IRS1: variants seen among roughly 807,000 people sequenced by gnomAD.
IRS1 encodes insulin receptor substrate 1.
IRS1 carries 34 observed loss-of-function variants against 65.6 expected under a neutral mutation model. The ratio of observed to expected loss-of-function variants is 0.52; its 90% CI spans 0.39 to 0.69. The LOEUF (loss-of-function observed/expected upper bound fraction) is 0.69. Among genes scored for constraint, IRS1 ranks in the 30% least tolerant of loss-of-function variants. IRS1 has a pLI of 0.00. For missense variants in IRS1, 1,641 were observed against 1,720.2 expected, an observed-to-expected ratio of 0.95 and a Z score of 0.81; for synonymous variants, 699 against 683.5, an observed-to-expected ratio of 1.02 and a Z score of -0.35.
intron 1 of IRS1, among the ~76,000 whole-genome samples, chr2:226,741,623 TACCCCTCCCTCCTACC>T (rs1202919588): frequency 1.3e-5 from 2 of 152,106 alleles, no homozygotes; most frequent in Non-Finnish European, 2.9e-5. Context: ...TTAAACTGCA[TACCCCTCCCTCCTACC>T]ACAATTCTTC....
At chr2:226,757,850 A>G (rs1279618883) in intron 1 of IRS1, among the ~76,000 whole-genome samples, 1 of 152,266 alleles carries the variant, frequency 6.6e-6, no homozygotes, top group East Asian at 1.9e-4. Context: ...ATACATAGGC[A>G]TAAGCAAAAG....
At chr2:226,787,253 T>G (rs1211198376) in intron 1 of IRS1, among the ~76,000 whole-genome samples, 1 of 152,188 alleles carries the variant, frequency 6.6e-6, no homozygotes, top group Non-Finnish European at 1.5e-5. Flanking sequence ...AATGGGCCAT[T>G]CTTCCAAATG....
At chr2:226,788,215 G>C (rs1466125706) in intron 1 of IRS1, among the ~76,000 whole-genome samples, 1 of 152,044 alleles carries the variant, frequency 6.6e-6, no homozygotes, top group Non-Finnish European at 1.5e-5. Context: ...ACTTGGGATG[G>C]TAAAAAGGAA....
intron 1 of IRS1, among the ~76,000 whole-genome samples, chr2:226,752,876 G>T (rs940190764): frequency 6.6e-6 from 1 of 152,232 alleles, no homozygotes; most frequent in African/African-American, 2.4e-5. Context: ...CACTTGATCA[G>T]CCTCACTGAG....
Position 226,798,704 on chromosome 2 carries a change from T to G in IRS1, c.35A>C (p.Asp12Ala). Residue 12 changes from aspartate (D) to alanine (A), a missense_variant, in exon 1 of 2, where the codon GAC becomes GCC. Asp to Ala is a moderately radical substitution (Grantham distance 126). Transcript: ENST00000305123. This position sits in a 1 kb window ranked among gnomAD's most constrained non-coding sequence, Gnocchi z 9.4. ...GCGCAGGTAGCCCACCTTGCGCACG[T>G]CCGAGAAGCCATCGCTCTCCGGAGG... ...ASPPESDGFS[D>A]VRKVGYLRKP... The G allele has an allele frequency of 6.2e-7, 1 of 1,612,748 alleles. No homozygotes were observed. Among genetic ancestry groups the G allele is most frequent in the Non-Finnish European group, 8.5e-7 (1 of 1,179,838 alleles).
At chr2:226,758,797 T>C (rs555673800) in intron 1 of IRS1, among the ~76,000 whole-genome samples, 3 of 152,258 alleles carry the variant, frequency 2.0e-5, no homozygotes, top group African/African-American at 4.8e-5. Flanking sequence ...TGGATGCTAA[T>C]GGAAACCACC....
At chr2:226,769,541 G>A (rs933880410) in intron 1 of IRS1, among the ~76,000 whole-genome samples, 7 of 152,228 alleles carry the variant, frequency 4.6e-5, no homozygotes, top group African/African-American at 2.4e-5. Context: ...GGAAGATCTA[G>A]ACATGCAGAT....
At chr2:226,775,869 C>T (rs114508451) in intron 1 of IRS1, among the ~76,000 whole-genome samples, 1,578 of 151,896 alleles carry the variant, frequency 0.01, 23 homozygotes, top group African/African-American at 0.035. Flanking sequence ...AGTGTTATAC[C>T]GTATTGTTTA....
intron 1 of IRS1, among the ~76,000 whole-genome samples, chr2:226,775,223 T>A (rs1430863993): frequency 2.0e-5 from 3 of 152,174 alleles, no homozygotes; most frequent in African/African-American, 7.2e-5. Context: ...CCGAAGTAAC[T>A]CTGGAAATGA....
At chr2:226,793,475 T>C (rs1420419208) in intron 1 of IRS1, among the ~76,000 whole-genome samples, 1 of 152,216 alleles carries the variant, frequency 6.6e-6, no homozygotes, top group African/African-American at 2.4e-5. Context: ...TTGAAGTAAA[T>C]ACTGATCAAA....
At chr2:226,759,346 T>G (rs961746757) in intron 1 of IRS1, among the ~76,000 whole-genome samples, 2 of 152,238 alleles carry the variant, frequency 1.3e-5, no homozygotes, top group African/African-American at 4.8e-5. Context: ...CTTCTAAATA[T>G]AGTACCAGCA....
At chr2:226,791,274 CG>C (rs1485134679) in intron 1 of IRS1, among the ~76,000 whole-genome samples, 1 of 152,062 alleles carries the variant, frequency 6.6e-6, no homozygotes. Flanking sequence ...CCACCTGGCC[CG>C]CAGGCCCGCA....
intron 1 of IRS1, among the ~76,000 whole-genome samples, chr2:226,760,275 C>T (rs139080697): frequency 2.2e-4 from 33 of 152,054 alleles, no homozygotes; most frequent in African/African-American, 7.0e-4. Flanking sequence ...TGTCTTATTG[C>T]AAGATTAAAA....
At position 226,798,480 on chromosome 2, in the gene IRS1, AG is replaced by A. The variant is rs1479599810; in HGVS notation, c.258del (p.Tyr87ThrfsTer63). 6.2e-7 allele frequency: 1 copy of A among 1,614,084 alleles called. No individual in the cohort carries two copies. The highest frequency in any genetic ancestry group is 1.7e-5 in the Admixed American group (1 of 60,034). ...ADSKNKHLVA[L>X]YTRDEHFAIA... The stretch of plus-strand genomic sequence containing the variant: ...ATGGCAAAGTGCTCGTCCCGGGTGT[AG>A]AGAGCCACCAGGTGCTTGTTCTTGG... On this transcript the variant is annotated frameshift_variant, in exon 1 of 2. Transcript: ENST00000305123. LOFTEE classifies it high-confidence loss of function. This position sits in a 1 kb window ranked among gnomAD's most constrained non-coding sequence, Gnocchi z 9.4.
chr2:226,789,832 C>T (rs1218318174), intron 1 of IRS1, among the ~76,000 whole-genome samples: 1 of 152,100 alleles, frequency 6.6e-6, no homozygotes, highest in Non-Finnish European at 1.5e-5. Context: ...AGAGATGGTT[C>T]CAAAAACTTA....
intron 1 of IRS1, among the ~76,000 whole-genome samples, chr2:226,793,275 ATT>A (rs1261923859): frequency 6.6e-6 from 1 of 152,210 alleles, no homozygotes; most frequent in African/African-American, 2.4e-5. Context: ...TAAAACCAAA[ATT>A]TTAGTTCTGC....
At chr2:226,758,648 G>A (rs1938850632) in intron 1 of IRS1, among the ~76,000 whole-genome samples, 1 of 152,016 alleles carries the variant, frequency 6.6e-6, no homozygotes, top group Non-Finnish European at 1.5e-5. Context: ...AGGCTGTGAT[G>A]ATACACAATA....
At chr2:226,745,387 G>A (rs1447997080) in intron 1 of IRS1, among the ~76,000 whole-genome samples, 1 of 152,180 alleles carries the variant, frequency 6.6e-6, no homozygotes, top group Admixed American at 6.5e-5. Flanking sequence ...CCCAAAAAAG[G>A]TTATTTTCAG....
chr2:226,792,270 A>T (rs1335328691), intron 1 of IRS1: 2 of 152,186 alleles, frequency 1.3e-5, no homozygotes, highest in Non-Finnish European at 2.9e-5. Context: ...GATAAATTTG[A>T]TGCCAGGTAA....
Sources: allele counts gnomAD v4.1 joint callset (sites outside exome capture counted in the v4.1 genomes callset), GRCh38; gene constraint gnomAD v4.1.1; non-coding constraint Gnocchi (gnomAD v3.1); transcripts MANE v1.5; gene names NCBI Gene and HGNC (gene_info 2026-07-23, HGNC 2026-07-21).